Variants in SDK1 observed in about 807,000 individuals in gnomAD.
SDK1 encodes sidekick cell adhesion molecule 1.
A neutral mutation model predicts 245.5 loss-of-function variants in SDK1; 157 were observed. That is an observed-to-expected ratio of 0.64 (90% CI 0.56 to 0.73). The LOEUF (loss-of-function observed/expected upper bound fraction) is 0.73. Ranked by LOEUF, SDK1 falls within the 30% of genes least tolerant of loss-of-function variation. SDK1 has a pLI of 0.00. For missense variants in SDK1, 3,583 were observed against 3,002.3 expected (o/e 1.19, Z -4.52); for synonymous variants, 1,647 against 1,278.5 (o/e 1.29, Z -6.15).
At chr7:4,004,522 A>G (rs938896261) in intron 14 of SDK1, among the ~76,000 whole-genome samples, 5 of 152,226 alleles carry the variant, frequency 3.3e-5, no homozygotes, top group Non-Finnish European at 5.9e-5. Flanking sequence ...CAACAGTTAT[A>G]AAATGCTCCA....
intron 35 of SDK1, among the ~76,000 whole-genome samples, chr7:4,198,625 C>A (rs1783714984): frequency 6.6e-6 from 1 of 152,280 alleles, no homozygotes; most frequent in South Asian, 2.1e-4. Context: ...TGCAACAAAG[C>A]CCTTACATCC....
intron 1 of SDK1, among the ~76,000 whole-genome samples, chr7:3,547,195 T>C (rs1779251119): frequency 1.3e-5 from 2 of 152,120 alleles, no homozygotes; most frequent in South Asian, 4.1e-4. Flanking sequence ...AAGTAATATA[T>C]TAACATTTTT....
chr7:4,078,987 C>T (rs577994410), intron 21 of SDK1, among the ~76,000 whole-genome samples: 11 of 152,230 alleles, frequency 7.2e-5, no homozygotes, highest in South Asian at 2.1e-4. Flanking sequence ...CGATCCTGAC[C>T]GGGTGTCACG....
intron 5 of SDK1, among the ~76,000 whole-genome samples, chr7:3,924,176 G>A (rs1325526446): frequency 6.6e-6 from 1 of 151,978 alleles, no homozygotes; most frequent in Non-Finnish European, 1.5e-5. Flanking sequence ...GATGAGGAGG[G>A]TCTGGCATTG....
chr7:4,245,773 A>G lies in SDK1; in HGVS notation c.6349A>G (p.Lys2117Glu), dbSNP rs539700426. ...CGTGCTGACCGAGAGCGTGAGCCTCAAGGAGAAGTCGGCAGATGCATCAGA... is the reference window on the plus strand; with the variant it reads ...CGTGCTGACCGAGAGCGTGAGCCTCGAGGAGAAGTCGGCAGATGCATCAGA... ...GAVLTESVSL[K>E]EKSADASESE... Residue 2117 changes from lysine to glutamate, a missense_variant, in exon 44 of 45, where the codon AAG becomes GAG. Transcript: ENST00000404826. The G allele has an allele frequency of 1.2e-6, 2 of 1,613,922 alleles. No individual in the cohort carries two copies. The highest frequency in any genetic ancestry group is 1.7e-5 in the Admixed American group (1 of 60,010).
chr7:3,635,770 G>T (rs972939177), intron 2 of SDK1, among the ~76,000 whole-genome samples: 5 of 151,960 alleles, frequency 3.3e-5, no homozygotes, highest in African/African-American at 9.7e-5. Context: ...GCAGTGGCAC[G>T]ATTTTGGCTC....
intron 4 of SDK1, among the ~76,000 whole-genome samples, chr7:3,799,250 C>A (rs1176255140): frequency 6.6e-6 from 1 of 152,054 alleles, no homozygotes; most frequent in Non-Finnish European, 1.5e-5. Flanking sequence ...TGTGTTAAAT[C>A]TTCCAACTGA....
intron 16 of SDK1, among the ~76,000 whole-genome samples, chr7:4,015,687 G>A (rs1319720901): frequency 6.6e-6 from 1 of 152,166 alleles, no homozygotes. Context: ...AACATGGTTT[G>A]ATAACTTGAC....
At chr7:4,147,096 G>C (rs1780035087) in intron 29 of SDK1, among the ~76,000 whole-genome samples, 1 of 152,214 alleles carries the variant, frequency 6.6e-6, no homozygotes, top group South Asian at 2.1e-4. Flanking sequence ...CCAGACCCAG[G>C]GACCCTGTGG....
At chr7:3,573,355 G>A (rs555035312) in intron 1 of SDK1, among the ~76,000 whole-genome samples, 3 of 152,186 alleles carry the variant, frequency 2.0e-5, no homozygotes, top group East Asian at 3.9e-4. Context: ...GCCAGAGAGA[G>A]CCTCAGGGGG....
intron 44 of SDK1, among the ~76,000 whole-genome samples, chr7:4,248,439 A>T (rs984316345): frequency 1.4e-4 from 21 of 147,402 alleles, no homozygotes; most frequent in Non-Finnish European, 2.9e-4. Flanking sequence ...ATACCTATAC[A>T]CCTGAATACA....
At chr7:3,403,054 C>A (rs1177039122) in intron 1 of SDK1, among the ~76,000 whole-genome samples, 1 of 152,140 alleles carries the variant, frequency 6.6e-6, no homozygotes, top group East Asian at 1.9e-4. Context: ...CCTGCCTCAG[C>A]CTTCCCAGTA....
chr7:3,723,710 A>G (rs1778897721), intron 4 of SDK1, among the ~76,000 whole-genome samples: 1 of 151,622 alleles, frequency 6.6e-6, no homozygotes, highest in African/African-American at 2.4e-5. Flanking sequence ...ATATACATAT[A>G]CACGTGTATA....
At chr7:4,097,032 C>T (rs1032428233) in intron 22 of SDK1, among the ~76,000 whole-genome samples, 2 of 152,190 alleles carry the variant, frequency 1.3e-5, no homozygotes, top group African/African-American at 2.4e-5. Flanking sequence ...TGCAGCAGTC[C>T]CCAGCTCTTT....
chr7:3,612,975 C>G (rs773311859), intron 1 of SDK1, among the ~76,000 whole-genome samples: 9 of 151,302 alleles, frequency 5.9e-5, no homozygotes, highest in Non-Finnish European at 1.3e-4. Context: ...TTTCTTTATT[C>G]ATTATCTCTT....
intron 4 of SDK1, among the ~76,000 whole-genome samples, chr7:3,666,540 C>T (rs558704264): frequency 6.6e-6 from 1 of 152,314 alleles, no homozygotes; most frequent in East Asian, 1.9e-4. Context: ...ACACCTCTCC[C>T]TGTTGCAGGT....
At chr7:4,247,261 C>A (rs1027681978) in intron 44 of SDK1, among the ~76,000 whole-genome samples, 12 of 152,220 alleles carry the variant, frequency 7.9e-5, no homozygotes, top group African/African-American at 2.4e-4. Context: ...GAACTCCCGG[C>A]GGGAAGGGCC....
At chr7:4,055,510 T>C (rs981708684) in intron 19 of SDK1, among the ~76,000 whole-genome samples, 6 of 152,080 alleles carry the variant, frequency 3.9e-5, no homozygotes, top group African/African-American at 1.4e-4. Flanking sequence ...TCAATTTTAT[T>C]GCTTGATTTT....
At chr7:3,679,796 G>A (rs958634770) in intron 4 of SDK1, among the ~76,000 whole-genome samples, 1 of 152,180 alleles carries the variant, frequency 6.6e-6, no homozygotes, top group African/African-American at 2.4e-5. Flanking sequence ...GTCCTGTATT[G>A]CTAGCTGCTG....
Sources: allele counts gnomAD v4.1 joint callset (sites outside exome capture counted in the v4.1 genomes callset), GRCh38; gene constraint gnomAD v4.1.1; transcripts MANE v1.5; gene names NCBI Gene and HGNC (gene_info 2026-07-23, HGNC 2026-07-21).